The following CTNNA2 variants were observed in gnomAD, a reference collection of about 807,000 sequenced individuals.
CTNNA2 encodes catenin alpha 2, also known as catenin alpha-2.
Under a neutral mutation model 101.0 loss-of-function variants are expected in CTNNA2, and 42 were observed. The observed-to-expected ratio is 0.42, with a 90% confidence interval of 0.32 to 0.54. The LOEUF (loss-of-function observed/expected upper bound fraction) is 0.54. Among genes scored for constraint, CTNNA2 ranks in the 20% least tolerant of loss-of-function variants. The probability of loss-of-function intolerance (pLI) is 0.14; values close to 1 mark genes in which losing one functional copy is unlikely to be tolerated. For synonymous variants in CTNNA2, 450 were observed against 456.4 expected, an observed-to-expected ratio of 0.99 and a Z score of 0.18; for missense variants, 871 against 1,223.1, an observed-to-expected ratio of 0.71 and a Z score of 4.29.
intron 7 of CTNNA2, among the ~76,000 whole-genome samples, chr2:80,157,584 G>A (rs1423113526): frequency 3.9e-5 from 6 of 152,074 alleles, no homozygotes; most frequent in Non-Finnish European, 8.8e-5. Flanking sequence ...TTGGGCAAAT[G>A]AATGGTTTCT....
At chr2:79,704,591 C>G (rs904568543) in intron 2 of CTNNA2, among the ~76,000 whole-genome samples, 12 of 149,582 alleles carry the variant, frequency 8.0e-5, no homozygotes, top group Non-Finnish European at 7.4e-5. Context: ...CGGCTCACTG[C>G]AAGCTCCGCC....
intron 6 of CTNNA2, among the ~76,000 whole-genome samples, chr2:79,896,387 A>C (rs1352095553): frequency 6.6e-6 from 1 of 152,184 alleles, no homozygotes; most frequent in African/African-American, 2.4e-5. Flanking sequence ...ATCAATTGCT[A>C]CTGTAGACCT....
intron 15 of CTNNA2, among the ~76,000 whole-genome samples, chr2:80,601,342 A>C (rs1379930007): frequency 6.6e-6 from 1 of 151,008 alleles, no homozygotes; most frequent in East Asian, 2.0e-4. Flanking sequence ...AATAGCATTG[A>C]GATTATCTTC....
chr2:79,915,383 T>C (rs1686129710), intron 7 of CTNNA2, among the ~76,000 whole-genome samples: 1 of 152,156 alleles, frequency 6.6e-6, no homozygotes, highest in Non-Finnish European at 1.5e-5. Flanking sequence ...AATGCTGTTT[T>C]GCAATCTATT....
intron 2 of CTNNA2, among the ~76,000 whole-genome samples, chr2:79,246,306 A>G (rs1355269899): frequency 1.3e-5 from 2 of 152,146 alleles, no homozygotes; most frequent in East Asian, 1.9e-4. Flanking sequence ...AGGGTACACC[A>G]CTTCATTTTT....
intron 4 of CTNNA2, among the ~76,000 whole-genome samples, chr2:79,447,856 A>G (rs1308926706): frequency 6.6e-6 from 1 of 152,078 alleles, no homozygotes; most frequent in Admixed American, 6.6e-5. Flanking sequence ...TTTTACCATA[A>G]GAGTTTCTGG....
rs17018680 is a variant in CTNNA2, at chr2:80,139,123, A to C, written c.1056+229326A>C. Among the ~76,000 whole-genome samples the C allele has an allele frequency of 4.3e-3, 654 of 152,284 alleles. 2 individuals are homozygous for C. The highest frequency in any genetic ancestry group is 0.02 in the East Asian group (105 of 5,176). ...TTAATTGATTCTCCAACCACTCATC[A>C]GTTGGAATATGACTGATCCACAGAC... On this transcript the variant is annotated intron_variant, in intron 7 of 18. Transcript: ENST00000402739.
At chr2:80,484,516 C>T (rs536353976) in intron 9 of CTNNA2, among the ~76,000 whole-genome samples, 70 of 152,166 alleles carry the variant, frequency 4.6e-4, no homozygotes, top group Non-Finnish European at 8.8e-4. Flanking sequence ...GCATATGGAA[C>T]AGGAAATAGC....
intron 3 of CTNNA2, among the ~76,000 whole-genome samples, chr2:79,772,118 C>T (rs1673633696): frequency 6.6e-6 from 1 of 151,256 alleles, no homozygotes; most frequent in Admixed American, 6.6e-5. Flanking sequence ...ATTCCTCTTA[C>T]CTTTTGTCCA....
chr2:79,270,384 C>T (rs116672849), intron 2 of CTNNA2, among the ~76,000 whole-genome samples: 30 of 152,184 alleles, frequency 2.0e-4, no homozygotes, highest in African/African-American at 6.3e-4. Flanking sequence ...TTGCTAATGT[C>T]AGCCTTGATA....
chr2:79,423,031 C>T (rs1678555084), intron 4 of CTNNA2, among the ~76,000 whole-genome samples: 2 of 152,150 alleles, frequency 1.3e-5, no homozygotes, highest in African/African-American at 4.8e-5. Context: ...AAGAGGTGGG[C>T]TCCATATCAC....
intron 3 of CTNNA2, among the ~76,000 whole-genome samples, chr2:79,752,640 C>T (rs1672119462): frequency 6.6e-6 from 1 of 152,106 alleles, no homozygotes; most frequent in African/African-American, 2.4e-5. Context: ...CAACTAAGGG[C>T]CCCTTTGTTA....
intron 7 of CTNNA2, among the ~76,000 whole-genome samples, chr2:80,242,084 C>T (rs1320791055): frequency 6.6e-6 from 1 of 152,088 alleles, no homozygotes; most frequent in Non-Finnish European, 1.5e-5. Context: ...GTGAAACTTC[C>T]GTCAGCTCAT....
At chr2:79,416,683 A>T (rs1678486457) in intron 4 of CTNNA2, among the ~76,000 whole-genome samples, 1 of 152,132 alleles carries the variant, frequency 6.6e-6, no homozygotes, top group Non-Finnish European at 1.5e-5. Flanking sequence ...CACCTGGGTT[A>T]ACAGTTAGGG....
At chr2:80,138,528 C>T (rs961108164) in intron 7 of CTNNA2, among the ~76,000 whole-genome samples, 10 of 152,128 alleles carry the variant, frequency 6.6e-5, no homozygotes, top group African/African-American at 2.2e-4. Context: ...ACCCCCTACT[C>T]ACTGTGAGCT....
chr2:80,316,213 A>C (rs1374567313), intron 7 of CTNNA2, among the ~76,000 whole-genome samples: 3 of 152,200 alleles, frequency 2.0e-5, no homozygotes, highest in African/African-American at 7.2e-5. Context: ...GAGAGGATAT[A>C]ACATTTTTAT....
At chr2:79,766,997 GC>G (rs1038144032) in intron 3 of CTNNA2, among the ~76,000 whole-genome samples, 2 of 151,512 alleles carry the variant, frequency 1.3e-5, no homozygotes, top group African/African-American at 2.4e-5. Flanking sequence ...CTCGTGATCC[GC>G]CTGCCTCGGC....
chr2:79,588,094 G>T (rs1001979593), intron 1 of CTNNA2, among the ~76,000 whole-genome samples: 1 of 152,152 alleles, frequency 6.6e-6, no homozygotes, highest in African/African-American at 2.4e-5. Context: ...ATTGTTTCAG[G>T]CCATTCTAAG....
chr2:79,428,479 G>A (rs1678616383), intron 4 of CTNNA2, among the ~76,000 whole-genome samples: 1 of 152,050 alleles, frequency 6.6e-6, no homozygotes, highest in African/African-American at 2.4e-5. Flanking sequence ...GATGAAAAGG[G>A]CAATTACAGA....
Sources: gnomAD v4.1 joint callset for allele counts (sites outside exome capture counted in the v4.1 genomes callset) on GRCh38, gnomAD v4.1.1 for gene constraint, MANE v1.5 for transcripts, NCBI Gene and HGNC (gene_info 2026-07-23, HGNC 2026-07-21) for gene names.